RDX: variants seen among roughly 807,000 people sequenced by gnomAD.
RDX encodes the protein deafness, autosomal recessive 24.
RDX carries 32 observed loss-of-function variants against 83.7 expected under a neutral mutation model. The ratio of observed to expected loss-of-function variants is 0.38; its 90% CI spans 0.29 to 0.51. The LOEUF (loss-of-function observed/expected upper bound fraction) is 0.51, where lower values mean the gene tolerates loss of function less well. Ranked by LOEUF, RDX falls within the 20% of genes least tolerant of loss-of-function variation. RDX has a pLI of 0.87. For missense variants in RDX, 600 were observed against 689.9 expected (o/e 0.87, Z 1.46); for synonymous variants, 229 against 222.7 (o/e 1.03, Z -0.25).
chr11:110,264,344 T>C (rs1378949646), intron 4 of RDX, 110 bp from the exon 5 acceptor site: 2 of 758,824 alleles, frequency 2.6e-6, no homozygotes, highest in African/African-American at 3.5e-5. Flanking sequence ...AGATTCTAAA[T>C]CTATGAAGAT....
intron 15 of RDX, among the ~76,000 whole-genome samples, chr11:110,183,576 T>C (rs11213294): frequency 0.21 from 31,431 of 152,210 alleles, 3,779 homozygotes; most frequent in African/African-American, 0.32. Flanking sequence ...CTTCTGCCTC[T>C]GCCTCCCAAA....
At chr11:110,194,543 T>G (rs1863163815) in intron 15 of RDX, among the ~76,000 whole-genome samples, 1 of 152,182 alleles carries the variant, frequency 6.6e-6, no homozygotes, top group South Asian at 2.1e-4. Context: ...TTTCGTTTCT[T>G]GCATTCCCAG....
intron 3 of RDX, among the ~76,000 whole-genome samples, chr11:110,270,144 G>T (rs1860245801): frequency 6.6e-6 from 1 of 151,990 alleles, no homozygotes; most frequent in African/African-American, 2.4e-5. Context: ...GTGTAGTCAG[G>T]GTTGCTTAAC....
chr11:110,295,636 T>G (rs1285516823), intron 1 of RDX, among the ~76,000 whole-genome samples: 1 of 117,470 alleles, frequency 8.5e-6, no homozygotes, highest in African/African-American at 3.2e-5. Context: ...GTAGTCTGTT[T>G]AAACTGAAAA....
chr11:110,281,938 C>CA (rs750336725), intron 1 of RDX, among the ~76,000 whole-genome samples: 1,684 of 91,062 alleles, frequency 0.018, 23 homozygotes, highest in African/African-American at 0.051. Flanking sequence ...CCATCTCTAT[C>CA]AAAAAAAAAA....
chr11:110,289,344 T>C (rs1861118921), intron 1 of RDX, among the ~76,000 whole-genome samples: 1 of 150,608 alleles, frequency 6.6e-6, no homozygotes, highest in South Asian at 2.1e-4. Context: ...AAGTTGACAA[T>C]CAAATTAAAG....
intron 14 of RDX, among the ~76,000 whole-genome samples, chr11:110,219,705 C>T (rs1864180280): frequency 6.6e-6 from 1 of 152,098 alleles, no homozygotes; most frequent in South Asian, 2.1e-4. Context: ...TACCATTCAT[C>T]AACTGAGAAG....
At chr11:110,236,874 C>A (rs1397461753) in intron 11 of RDX, among the ~76,000 whole-genome samples, 1 of 152,134 alleles carries the variant, frequency 6.6e-6, no homozygotes. Context: ...CCTGCCTCGG[C>A]CTCCCAAAAT....
At chr11:110,295,790 C>T (rs537230364) in intron 1 of RDX, among the ~76,000 whole-genome samples, 32 of 152,324 alleles carry the variant, frequency 2.1e-4, no homozygotes, top group African/African-American at 7.2e-4. Context: ...CCTCAAGGGC[C>T]CGAGAAAGTT....
intron 8 of RDX, 78 bp downstream of exon 8, chr11:110,255,211 G>A (rs1859490566): frequency 5.1e-6 from 4 of 791,614 alleles, no homozygotes; most frequent in East Asian, 5.3e-5. Flanking sequence ...AATGAACACT[G>A]TTATTCTTCA....
rs146276077 is a variant in RDX, at chr11:110,198,459, C to T, written c.*31+1122G>A. The stretch of plus-strand genomic sequence containing the variant: ...TCCCTGGGCCGAGGACCAGTACCGG[C>T]GTGTGGCCTGTTAGGAACTGGGTGG... On this transcript the variant is annotated intron_variant, in intron 15 of 15. Transcript: ENST00000528498. Among the ~76,000 whole-genome samples the T allele has an allele frequency of 3.2e-4, 49 of 152,292 alleles. 1 individual carries two copies. In the South Asian group the frequency reaches 4.8e-3, roughly 15 times the overall value.
In RDX at chr11:110,258,620, G is replaced by C. The variant is rs186236172; in HGVS notation, c.468-431C>G. On this transcript the variant is annotated intron_variant, in intron 5 of 13. Transcript: ENST00000645495. ...CTTATAGGAACCCAAACAGTTCAAA[G>C]GAATAAAACATTAGATAAAAAAATG... 2.0e-4 allele frequency among the ~76,000 whole-genome samples: 31 copies of C among 152,092 alleles called. No homozygotes were observed. In the East Asian group the frequency reaches 3.3e-3, roughly 16 times the overall value.
chr11:110,175,032 T>G (rs1862742258), exon 16 of RDX: 1 of 152,090 alleles, frequency 6.6e-6, no homozygotes, highest in African/African-American at 2.4e-5. Context: ...AGAGGAAAGG[T>G]TTCACTGAGA....
intron 9 of RDX, chr11:110,253,741 T>A: frequency 1.8e-6 from 1 of 551,074 alleles, no homozygotes; most frequent in Non-Finnish European, 3.2e-6. Context: ...AAAGCTATTT[T>A]CTTCGAGATA....
chr11:110,279,562 C>A, intron 2 of RDX, 119 bp downstream of exon 2: 1 of 714,742 alleles, frequency 1.4e-6, no homozygotes, highest in Non-Finnish European at 2.5e-6. Flanking sequence ...AGAGAAATAA[C>A]AGTAGTATCA....
At chr11:110,276,599 G>C (rs528490790) in intron 2 of RDX, among the ~76,000 whole-genome samples, 12 of 152,168 alleles carry the variant, frequency 7.9e-5, no homozygotes, top group Middle Eastern at 3.4e-3. Context: ...TATTAATATA[G>C]ACTCTATACA....
At chr11:110,222,212 T>C (rs568599274) in intron 14 of RDX, among the ~76,000 whole-genome samples, 1 of 152,276 alleles carries the variant, frequency 6.6e-6, no homozygotes, top group South Asian at 2.1e-4. Flanking sequence ...TCACTAGTTA[T>C]CTAGAAGACA....
In RDX at chr11:110,215,903, G is replaced by C. The variant is rs148278063; in HGVS notation, c.1748+15970C>G. Among the ~76,000 whole-genome samples, 289 of 152,290 alleles carry C rather than the reference G, an allele frequency of 1.9e-3. 2 individuals carry two copies. The highest frequency in any genetic ancestry group is 6.8e-3 in the African/African-American group (282 of 41,574). ...TTTATGATGTCTTTGTGTGGATAAGGGAATAGTGCCCCTTGCTCAGGCAGA... is the reference window on the plus strand; with the variant it reads ...TTTATGATGTCTTTGTGTGGATAAGCGAATAGTGCCCCTTGCTCAGGCAGA... On this transcript the variant is annotated intron_variant, in intron 14 of 15. Coordinates refer to the RDX transcript ENST00000528498.
At chr11:110,241,643 A>C (rs1245943345) in intron 10 of RDX, among the ~76,000 whole-genome samples, 4 of 152,182 alleles carry the variant, frequency 2.6e-5, no homozygotes, top group Non-Finnish European at 5.9e-5. Flanking sequence ...CTGATATATA[A>C]AACAACACCC....
Sources: gnomAD v4.1 joint callset for allele counts (sites outside exome capture counted in the v4.1 genomes callset) on GRCh38, gnomAD v4.1.1 for gene constraint, MANE v1.5 for transcripts, NCBI Gene and HGNC (gene_info 2026-07-23, HGNC 2026-07-21) for gene names.